Variants in APPL2 observed in about 807,000 individuals in gnomAD.
APPL2 encodes adaptor protein, phosphotyrosine interacting with PH domain and leucine zipper 2.
A neutral mutation model predicts 92.7 loss-of-function variants in APPL2; 84 were observed. The observed-to-expected ratio is 0.91, with a 90% CI of 0.76 to 1.09. The LOEUF (loss-of-function observed/expected upper bound fraction) is 1.09. Among genes scored for constraint, APPL2 ranks in the 50% least tolerant of loss-of-function variants. APPL2 has a pLI of 0.00. For missense variants in APPL2, 736 were observed against 824.5 expected, an observed-to-expected ratio of 0.89 and a Z score of 1.31; for synonymous variants, 291 against 291.0, an observed-to-expected ratio of 1.00 and a Z score of 0.00.
At chr12:105,230,632 A>G (rs1347349353) in intron 1 of APPL2, among the ~76,000 whole-genome samples, 1 of 152,236 alleles carries the variant, frequency 6.6e-6, no homozygotes, top group African/African-American at 2.4e-5. Context: ...AGGAACAGTA[A>G]CTGACCCCAA....
At chr12:105,232,570 C>A (rs573804270) in intron 1 of APPL2, among the ~76,000 whole-genome samples, 7 of 151,972 alleles carry the variant, frequency 4.6e-5, no homozygotes, top group Admixed American at 3.3e-4. Context: ...TTCAAGACCA[C>A]CCTGGGCAAC....
Position 105,188,375 on chromosome 12 carries a change from T to G in APPL2, c.1532A>C (p.Glu511Ala), listed in dbSNP as rs1473124965. The change falls in exon 17 of 21, where the codon GAA (glutamate) becomes GCA (alanine). Residue 511 changes from glutamate to alanine, a missense_variant. Physicochemically the swap from Glu to Ala is moderately radical, Grantham distance 107. Coordinates refer to ENST00000258530, the MANE Select transcript of APPL2 (RefSeq NM_018171.5). The stretch of plus-strand genomic sequence containing the variant: ...TTGTCTCATCGCTTCATAAATCACT[T>G]CAGTAGTGCTGTCTGTTTTAACTGC... ...SMAVKTDSTT[E>A]VIYEAMRQVL... The G allele has an allele frequency of 6.2e-7, 1 of 1,614,078 alleles. No homozygotes were observed. Among genetic ancestry groups the G allele is most frequent in the East Asian group, 2.2e-5 (1 of 44,900 alleles).
chr12:105,235,562 C>G (rs1891177498), intron 1 of APPL2, among the ~76,000 whole-genome samples: 1 of 152,168 alleles, frequency 6.6e-6, no homozygotes, highest in Non-Finnish European at 1.5e-5. Flanking sequence ...ATTGACTTCT[C>G]CTAACAACCC....
intron 14 of APPL2, among the ~76,000 whole-genome samples, chr12:105,193,508 A>G (rs1383328884): frequency 6.6e-6 from 1 of 152,212 alleles, no homozygotes; most frequent in Non-Finnish European, 1.5e-5. Flanking sequence ...TGTGCACATC[A>G]AACATTTTTG....
intron 4 of APPL2, 105 bp downstream of exon 4, chr12:105,216,964 C>T: frequency 1.3e-6 from 1 of 742,032 alleles, no homozygotes; most frequent in Non-Finnish European, 2.2e-6. Flanking sequence ...GAGATACCTT[C>T]TCAGATATTT....
At chr12:105,220,987 A>G (rs1387675982) in intron 2 of APPL2, among the ~76,000 whole-genome samples, 1 of 152,238 alleles carries the variant, frequency 6.6e-6, no homozygotes, top group Non-Finnish European at 1.5e-5. Flanking sequence ...TGCAGCCAGT[A>G]TGAGTTCATC....
chr12:105,233,212 A>G, intron 1 of APPL2: 1 of 985,490 alleles, frequency 1.0e-6, no homozygotes, highest in Non-Finnish European at 1.2e-6. Flanking sequence ...TGTCTCTGGA[A>G]CAAACTGTGA....
intron 1 of APPL2, among the ~76,000 whole-genome samples, chr12:105,235,516 G>T (rs1891174025): frequency 6.6e-6 from 1 of 152,112 alleles, no homozygotes; most frequent in Admixed American, 6.5e-5. Flanking sequence ...TATCTGTACC[G>T]GACATTGTCT....
chr12:105,176,169 C>G, intron 19 of APPL2, 87 bp from the exon 20 acceptor site: 5 of 1,123,684 alleles, frequency 4.4e-6, no homozygotes, highest in Non-Finnish European at 6.5e-6. Flanking sequence ...ACAGTGAGGT[C>G]ACTGTTCTCA....
At chr12:105,203,112 C>T (rs1888367849) in intron 9 of APPL2, among the ~76,000 whole-genome samples, 1 of 151,946 alleles carries the variant, frequency 6.6e-6, no homozygotes, top group African/African-American at 2.4e-5. Context: ...TTGGGAAGCC[C>T]ATGCTGTGCT....
intron 3 of APPL2, 100 bp downstream of exon 3, chr12:105,217,566 T>G: frequency 2.6e-6 from 3 of 1,165,942 alleles, no homozygotes; most frequent in Non-Finnish European, 3.7e-6. Context: ...ATGAAGAAAA[T>G]GAAACAAATA....
intron 2 of APPL2, 62 bp downstream of exon 2, chr12:105,229,063 A>C: frequency 7.4e-7 from 1 of 1,343,852 alleles, no homozygotes; most frequent in Non-Finnish European, 1.0e-6. Flanking sequence ...CTCTGAGGGA[A>C]GTTCAGGATG....
At chr12:105,197,657 G>C in intron 11 of APPL2, 108 bp downstream of exon 11, 1 of 1,352,422 alleles carries the variant, frequency 7.4e-7, no homozygotes, top group South Asian at 1.3e-5. Flanking sequence ...TACCCAGATT[G>C]GGGCCTCTCC....
At position 105,199,539 on chromosome 12, in the gene APPL2, CAG is replaced by C; in HGVS notation, c.705-10_705-9del. ...TCCAGTTCTACCTGAATGCTTAAGA[CAG>C]AAGGTGTTGGGTCAGTTACTCACTG... On this transcript the variant is annotated splice_polypyrimidine_tract_variant and intron_variant, in intron 9 of 20. Coordinates refer to ENST00000258530, the MANE Select transcript of APPL2 (RefSeq NM_018171.5). 6.2e-7 allele frequency: 1 copy of C among 1,612,624 alleles called. No individual in the cohort carries two copies. The highest frequency in any genetic ancestry group is 2.2e-5 in the East Asian group (1 of 44,854).
chr12:105,228,948 G>A (rs953849284), intron 2 of APPL2, among the ~76,000 whole-genome samples, 177 bp downstream of exon 2: 10 of 152,186 alleles, frequency 6.6e-5, no homozygotes, highest in African/African-American at 1.9e-4. Flanking sequence ...CTTAAGCAAT[G>A]AGAACAGACT....
chr12:105,205,734 G>T (rs1888644557), intron 8 of APPL2, among the ~76,000 whole-genome samples: 1 of 152,198 alleles, frequency 6.6e-6, no homozygotes, highest in South Asian at 2.1e-4. Context: ...TAACTAAAGA[G>T]AACAAAGAGA....
Position 105,223,493 on chromosome 12 carries a change from G to A in APPL2, c.153+5632C>T, listed in dbSNP as rs60594465. Among the ~76,000 whole-genome samples, 258 of 151,438 alleles carry A rather than the reference G, an allele frequency of 1.7e-3. 1 individual carries two copies. The highest frequency in any genetic ancestry group is 5.8e-3 in the African/African-American group (237 of 41,074). On this transcript the variant is annotated intron_variant, in intron 2 of 20. Coordinates refer to ENST00000258530, the MANE Select transcript of APPL2 (RefSeq NM_018171.5). The stretch of plus-strand genomic sequence containing the variant: ...GGGGCCAGGAGACAGCCTGTCAGAG[G>A]AGCCAATGGAAGACAGTTTCGAGGG...
At position 105,173,474 on chromosome 12, in the gene APPL2, A is replaced by G. The variant is rs2272493; in HGVS notation, c.*840T>C. The G allele has an allele frequency of 3.3e-5, 5 of 152,720 alleles. No homozygotes were observed. In the East Asian group the frequency reaches 9.7e-4, roughly 30 times the overall value. 9.5% of individuals were successfully genotyped at this position (152,720 alleles called of 1,614,324 possible). A position where few individuals can be genotyped will look rare whatever the true frequency, so the allele number is the denominator to read the frequency against. On this transcript the variant is annotated 3_prime_UTR_variant, in exon 21 of 21. Coordinates refer to ENST00000258530, the MANE Select transcript of APPL2 (RefSeq NM_018171.5). ...AGGAATTGGAAGTATCAGGGTGGAA[A>G]TAGGAACTTTATACCAAGCCCCATG... is the stretch of plus-strand genomic sequence containing the variant.
At position 105,192,774 on chromosome 12, in the gene APPL2, G is replaced by A. The variant is rs143510830; in HGVS notation, c.1241+2487C>T. Among the ~76,000 whole-genome samples, 235 of 152,198 alleles carry A rather than the reference G, an allele frequency of 1.5e-3. 1 individual carries two copies. The highest frequency in any genetic ancestry group is 5.4e-3 in the African/African-American group (225 of 41,520). On this transcript the variant is annotated intron_variant, in intron 14 of 20. Coordinates refer to ENST00000258530, the MANE Select transcript of APPL2 (RefSeq NM_018171.5). Reference sequence around the variant, plus strand: ...GCTTACCTTTTGCCTGTTCTCCCCAGTAATCCCTGCGTTTTCTTACCTAGG... The same window carrying A: ...GCTTACCTTTTGCCTGTTCTCCCCAATAATCCCTGCGTTTTCTTACCTAGG...
Sources: allele counts gnomAD v4.1 joint callset (sites outside exome capture counted in the v4.1 genomes callset), GRCh38; gene constraint gnomAD v4.1.1; transcripts MANE v1.5; gene names NCBI Gene and HGNC (gene_info 2026-07-23, HGNC 2026-07-21).